The following FMN1 variants were observed in gnomAD, a reference collection of about 807,000 sequenced individuals.
The protein encoded by FMN1 is formin-1.
In FMN1, 110 loss-of-function variants were observed where a neutral mutation model predicts 132.4. That is an observed-to-expected ratio of 0.83 (90% CI 0.71 to 0.97). The LOEUF is 0.97. Ranked by LOEUF, FMN1 falls within the 50% of genes least tolerant of loss-of-function variation. The pLI is 0.00. For missense variants in FMN1, 1,792 were observed against 1,705.3 expected (o/e 1.05, Z -0.90); for synonymous variants, 722 against 651.7 (o/e 1.11, Z -1.64).
chr15:33,117,705 AT>A (rs71751492), intron 4 of FMN1, among the ~76,000 whole-genome samples: 99,900 of 152,016 alleles, frequency 0.66, 34,937 homozygotes, highest in East Asian at 0.8. Context: ...TTTACTAGAG[AT>A]TAACTATTAT....
In FMN1 at chr15:33,070,386, CTTT is replaced by C. The variant is rs34096484; in HGVS notation, c.2044-5315_2044-5313del. Among the ~76,000 whole-genome samples, 146 of 134,330 alleles carry C rather than the reference CTTT, an allele frequency of 1.1e-3. 1 individual carries two copies. The highest frequency in any genetic ancestry group is 3.8e-3 in the Middle Eastern group (1 of 264). The allele number at this position is 134,330 out of a possible 152,430, so 88.1% of individuals were successfully genotyped here. ...CAGTGGGAGAGGGCACGTATTTGGTCTTTTTTTTTTTTTTTTTTATGAACTGAA... is the reference window on the plus strand; with the variant it reads ...CAGTGGGAGAGGGCACGTATTTGGTCTTTTTTTTTTTTTTTATGAACTGAA... On this transcript the variant is annotated intron_variant, in intron 5 of 20. Coordinates refer to ENST00000616417, the MANE Select transcript of FMN1 (RefSeq NM_001277313.2).
At chr15:32,779,206 T>G (rs529616425) in intron 19 of FMN1, among the ~76,000 whole-genome samples, 1 of 152,256 alleles carries the variant, frequency 6.6e-6, no homozygotes, top group South Asian at 2.1e-4. Flanking sequence ...TAAAATCAGA[T>G]AGAGGTAATG....
intron 7 of FMN1, among the ~76,000 whole-genome samples, chr15:32,977,895 G>A (rs950639480): frequency 9.5e-5 from 14 of 147,932 alleles, no homozygotes; most frequent in Non-Finnish European, 1.2e-4. Flanking sequence ...CAGAGTCTCT[G>A]TAACCAGGCT....
At position 32,790,152 on chromosome 15, in the gene FMN1, A is replaced by G. The variant is rs963492556; in HGVS notation, c.4130+8652T>C. ...ACTCAAAGGAGGAAGCACAGAAAAG[A>G]AGGCAGTTAGGCTGATCCCAGGAAT... On this transcript the variant is annotated intron_variant, in intron 19 of 20. Transcript: ENST00000616417. Among the ~76,000 whole-genome samples the G allele has an allele frequency of 7.2e-5, 11 of 152,236 alleles. No individual in the cohort carries two copies. In the South Asian group the frequency reaches 1.4e-3, roughly 20 times the overall value.
At chr15:32,880,389 G>C (rs567143477) in intron 16 of FMN1, among the ~76,000 whole-genome samples, 3 of 152,250 alleles carry the variant, frequency 2.0e-5, no homozygotes, top group Non-Finnish European at 4.4e-5. Flanking sequence ...CAAACGTTCA[G>C]ATATATTAGA....
intron 15 of FMN1, among the ~76,000 whole-genome samples, chr15:32,889,224 T>C (rs1344906238): frequency 6.6e-6 from 1 of 152,210 alleles, no homozygotes; most frequent in Non-Finnish European, 1.5e-5. Context: ...CTATAGCTAA[T>C]GGAGAATTCT....
At position 32,992,996 on chromosome 15, in the gene FMN1, A is replaced by G. The variant is rs1596416550; in HGVS notation, c.2223+15018T>C. ...GCCAAGATTGTTCTGTAAGTGACAC[A>G]GGACATAAGGGTCATGTGATACTTC... On this transcript the variant is annotated intron_variant, in intron 7 of 20. Coordinates refer to ENST00000616417, the MANE Select transcript of FMN1 (RefSeq NM_001277313.2). Among the ~76,000 whole-genome samples the G allele has an allele frequency of 2.0e-5, 3 of 152,350 alleles. No homozygotes were observed. The South Asian group carries it at 6.2e-4, about 32-fold the overall frequency.
intron 10 of FMN1, among the ~76,000 whole-genome samples, chr15:32,925,674 G>A (rs2060942030): frequency 6.6e-6 from 1 of 152,162 alleles, no homozygotes; most frequent in Admixed American, 6.5e-5. Context: ...ACAAACAACA[G>A]GGACATTAGA....
At chr15:32,986,123 AGTTCCT>A (rs1279265621) in intron 7 of FMN1, among the ~76,000 whole-genome samples, 1 of 152,130 alleles carries the variant, frequency 6.6e-6, no homozygotes, top group African/African-American at 2.4e-5. Flanking sequence ...GCTCTTTTTG[AGTTCCT>A]GTATACAGGC....
intron 7 of FMN1, among the ~76,000 whole-genome samples, chr15:32,991,628 A>G (rs2033440968): frequency 6.6e-6 from 1 of 152,122 alleles, no homozygotes; most frequent in Admixed American, 6.5e-5. Context: ...AAACATTACA[A>G]ACGACTTGGC....
At chr15:32,813,325 T>G (rs1340885617) in intron 17 of FMN1, among the ~76,000 whole-genome samples, 1 of 152,192 alleles carries the variant, frequency 6.6e-6, no homozygotes, top group Non-Finnish European at 1.5e-5. Flanking sequence ...AAGTAAACAT[T>G]TTATCAAGTC....
chr15:33,012,675 T>A, intron 6 of FMN1: 1 of 830,898 alleles, frequency 1.2e-6, no homozygotes, highest in South Asian at 1.3e-5. Flanking sequence ...AAGAGATGGC[T>A]AGTGCTTCAT....
intron 9 of FMN1, among the ~76,000 whole-genome samples, chr15:32,930,723 G>C (rs79229858): frequency 0.012 from 1,773 of 151,764 alleles, 33 homozygotes; most frequent in African/African-American, 0.041. Context: ...CTTTTTTTGG[G>C]GGGGGGCGGT....
At chr15:33,009,433 A>T (rs1019114922) in intron 6 of FMN1, among the ~76,000 whole-genome samples, 1 of 152,052 alleles carries the variant, frequency 6.6e-6, no homozygotes, top group African/African-American at 2.4e-5. Flanking sequence ...AAAGACCTCC[A>T]TGTCCTGGTT....
intron 5 of FMN1, among the ~76,000 whole-genome samples, chr15:33,074,229 T>C (rs960118913): frequency 2.0e-5 from 3 of 152,212 alleles, no homozygotes; most frequent in Admixed American, 6.5e-5. Context: ...GTTATACTCA[T>C]TTTCCACATC....
chr15:32,863,294 G>A (rs1365677450), intron 16 of FMN1, among the ~76,000 whole-genome samples: 2 of 152,290 alleles, frequency 1.3e-5, no homozygotes, highest in African/African-American at 2.4e-5. Flanking sequence ...AAAATTAGCT[G>A]GGCGTGGTGG....
At chr15:32,948,157 A>C (rs548361783) in intron 9 of FMN1, among the ~76,000 whole-genome samples, 2 of 152,160 alleles carry the variant, frequency 1.3e-5, no homozygotes, top group Non-Finnish European at 2.9e-5. Context: ...ATCATATTTA[A>C]TCAAATATTT....
intron 4 of FMN1, among the ~76,000 whole-genome samples, chr15:33,098,895 C>T (rs1004096370): frequency 6.6e-6 from 1 of 152,152 alleles, no homozygotes; most frequent in African/African-American, 2.4e-5. Context: ...GCTAGTTCCT[C>T]GGAAGCTCAC....
intron 4 of FMN1, among the ~76,000 whole-genome samples, chr15:33,104,466 T>C (rs1242729934): frequency 2.0e-5 from 3 of 149,144 alleles, no homozygotes; most frequent in Admixed American, 1.3e-4. Context: ...GTATTACTGA[T>C]AGAGATGCAG....
Sources: allele counts gnomAD v4.1 joint callset (sites outside exome capture counted in the v4.1 genomes callset), GRCh38; gene constraint gnomAD v4.1.1; transcripts MANE v1.5; gene names NCBI Gene and HGNC (gene_info 2026-07-23, HGNC 2026-07-21).